SCN1A: variants seen among roughly 807,000 people sequenced by gnomAD.
SCN1A encodes sodium channel protein type 1 subunit alpha.
A neutral mutation model predicts 193.7 loss-of-function variants in SCN1A; 13 were observed. The ratio of observed to expected loss-of-function variants is 0.07; its 90% CI spans 0.04 to 0.11. The LOEUF is 0.11. Ranked by LOEUF, SCN1A falls within the 10% of genes least tolerant of loss-of-function variation. The probability of loss-of-function intolerance (pLI) is 1.00; values close to 1 mark genes in which losing one functional copy is unlikely to be tolerated. For missense variants in SCN1A, 1,432 were observed against 2,451.1 expected (o/e 0.58, Z 8.78); for synonymous variants, 781 against 843.6 (o/e 0.93, Z 1.29).
chr2:166,099,568 A>T (rs1687798422), intron 2 of SCN1A, among the ~76,000 whole-genome samples: 1 of 98,570 alleles, frequency 1.0e-5, no homozygotes, highest in Non-Finnish European at 1.9e-5. Flanking sequence ...GAGGAAGTCA[A>T]ATTGTCCCTG....
rs980081654 is a variant in SCN1A at position 166,007,151 on chromosome 2, C to T, written c.4002+2568G>A. 6.6e-6 allele frequency: 1 copy of T among 150,484 alleles called. No homozygotes were observed. Among genetic ancestry groups the T allele is most frequent in the Admixed American group, 6.7e-5 (1 of 15,002 alleles). 9.3% of individuals were successfully genotyped at this position (150,484 alleles called of 1,614,324 possible). A position where few individuals can be genotyped will look rare whatever the true frequency, so the allele number is the denominator to read the frequency against. ...CCTACTGTGGTGCAATAATAGTACC[C>T]TTCCCAATCCCTCCCTCACCCCACT... On this transcript the variant is annotated intron_variant, in intron 23 of 28. Coordinates refer to ENST00000674923, the MANE Select transcript of SCN1A (RefSeq NM_001165963.4).
At chr2:166,099,963 A>T (rs2106133946) in intron 2 of SCN1A, among the ~76,000 whole-genome samples, 1 of 113,490 alleles carries the variant, frequency 8.8e-6, no homozygotes, top group East Asian at 2.5e-4. Flanking sequence ...ATTCAATGCC[A>T]TCCCCATCAA....
At chr2:166,009,624 C>T in intron 23 of SCN1A, 95 bp downstream of exon 23, 1 of 1,242,934 alleles carries the variant, frequency 8.0e-7, no homozygotes, top group Non-Finnish European at 1.1e-6. Context: ...AAGAATTTGC[C>T]ATTCCTTTTG....
intron 9 of SCN1A, among the ~76,000 whole-genome samples, chr2:166,050,733 C>A (rs977456471): frequency 4.7e-5 from 7 of 148,704 alleles, no homozygotes; most frequent in Non-Finnish European, 1.0e-4. Flanking sequence ...CCAGCCTCAG[C>A]CTCCCAAAGT....
intron 2 of SCN1A, among the ~76,000 whole-genome samples, chr2:166,096,233 G>C (rs530206977): frequency 6.6e-6 from 1 of 152,114 alleles, no homozygotes; most frequent in Non-Finnish European, 1.5e-5. Flanking sequence ...TCATTCATAT[G>C]GTAGTCCATA....
intron 17 of SCN1A, 47 bp from the exon 18 acceptor site, chr2:166,038,179 T>A (rs951715640): frequency 7.3e-7 from 1 of 1,376,938 alleles, no homozygotes; most frequent in Non-Finnish European, 1.0e-6. Context: ...CTTAAAAGCA[T>A]TATATATATT....
intron 27 of SCN1A, among the ~76,000 whole-genome samples, chr2:165,995,397 A>G (rs775320172): frequency 6.6e-6 from 1 of 151,716 alleles, no homozygotes; most frequent in Non-Finnish European, 1.5e-5. Flanking sequence ...TTTTCATAGC[A>G]ATTTGTTTAT....
intron 2 of SCN1A, among the ~76,000 whole-genome samples, chr2:166,114,756 AAT>A (rs1241971621): frequency 6.6e-6 from 1 of 152,172 alleles, no homozygotes; most frequent in Non-Finnish European, 1.5e-5. Flanking sequence ...TGAAGCCATT[AAT>A]ATTATACTTT....
intron 19 of SCN1A, among the ~76,000 whole-genome samples, chr2:166,022,510 CTTCT>C (rs1694208678): frequency 6.6e-6 from 1 of 152,120 alleles, no homozygotes; most frequent in Non-Finnish European, 1.5e-5. Flanking sequence ...GTAAGAATCT[CTTCT>C]TTATGTCTGC....
intron 10 of SCN1A, 45 bp downstream of exon 10, chr2:166,048,841 G>A (rs1698160105): frequency 2.5e-6 from 3 of 1,188,498 alleles, no homozygotes; most frequent in East Asian, 2.3e-5. Flanking sequence ...ACATATGTAT[G>A]TGTACATACA....
At chr2:165,996,355 A>G in intron 26 of SCN1A, 1 of 349,852 alleles carries the variant, frequency 2.9e-6, no homozygotes, top group Non-Finnish European at 5.3e-6. Flanking sequence ...AACACCCCCA[A>G]ATCTCAAAAA....
intron 9 of SCN1A, among the ~76,000 whole-genome samples, chr2:166,049,835 T>C (rs961770709): frequency 6.6e-6 from 1 of 152,040 alleles, no homozygotes; most frequent in Non-Finnish European, 1.5e-5. Flanking sequence ...TAATTATTTC[T>C]ATATTAGTGT....
In SCN1A at chr2:165,990,729, A is replaced by C. The variant is rs1689013726; in HGVS notation, c.*516T>G. ...GCTGGGAGGGCCATGTGGTTGCCAT[A>C]CCCCCCAGGTGGCATACCTGTTATA... On this transcript the variant is annotated 3_prime_UTR_variant, in exon 29 of 29. Coordinates refer to ENST00000674923, the MANE Select transcript of SCN1A (RefSeq NM_001165963.4). 6.4e-6 allele frequency: 1 copy of C among 156,768 alleles called. No individual in the cohort carries two copies. The highest frequency in any genetic ancestry group is 2.4e-5 in the African/African-American group (1 of 41,364). The allele number at this position is 156,768 out of a possible 1,614,324, so 9.7% of individuals were successfully genotyped here. A position where few individuals can be genotyped will look rare whatever the true frequency, so the allele number is the denominator to read the frequency against.
upstream of SCN1A, among the ~76,000 whole-genome samples, chr2:166,131,324 G>C (rs868501003): frequency 1.3e-5 from 2 of 151,838 alleles, no homozygotes; most frequent in Admixed American, 6.6e-5. Flanking sequence ...TTTTATGAGA[G>C]TTCCTAACAA....
intron 1 of SCN1A, among the ~76,000 whole-genome samples, chr2:166,138,621 C>T (rs1005863869): frequency 3.9e-5 from 6 of 152,204 alleles, no homozygotes; most frequent in African/African-American, 1.4e-4. Context: ...CGCCTGGATG[C>T]CCAGCAAAAG....
intron 13 of SCN1A, 45 bp downstream of exon 13, chr2:166,044,997 TG>T (rs942921870): frequency 1.9e-6 from 3 of 1,593,528 alleles, no homozygotes; most frequent in Non-Finnish European, 2.6e-6. Context: ...CTCTCTCCCA[TG>T]TTTTAATTTT....
intron 1 of SCN1A, among the ~76,000 whole-genome samples, chr2:166,140,477 C>A (rs1292896407): frequency 6.6e-6 from 1 of 152,068 alleles, no homozygotes; most frequent in African/African-American, 2.4e-5. Context: ...GGGAGGGAGG[C>A]AAATGGAGAT....
chr2:166,018,869 T>C (rs1034411116), intron 19 of SCN1A, among the ~76,000 whole-genome samples: 6 of 152,164 alleles, frequency 3.9e-5, no homozygotes, highest in Non-Finnish European at 8.8e-5. Context: ...CATATTACAT[T>C]GGTAACTCTT....
chr2:166,001,847 G>A (rs1197325800), intron 24 of SCN1A, among the ~76,000 whole-genome samples: 2 of 98,878 alleles, frequency 2.0e-5, no homozygotes, highest in African/African-American at 7.6e-5. Flanking sequence ...CTTCATTTTT[G>A]TTTCTAGTTG....
Sources: allele counts gnomAD v4.1 joint callset (sites outside exome capture counted in the v4.1 genomes callset), GRCh38; gene constraint gnomAD v4.1.1; transcripts MANE v1.5; gene names NCBI Gene and HGNC (gene_info 2026-07-23, HGNC 2026-07-21).